GRTP1: variants seen among roughly 807,000 people sequenced by gnomAD.
GRTP1 encodes growth hormone regulated TBC protein 1, also known as growth hormone-regulated TBC protein 1.
A neutral mutation model predicts 38.1 loss-of-function variants in GRTP1; 56 were observed. The observed-to-expected ratio is 1.47, with a 90% CI of 1.19 to 1.84. GRTP1 has a LOEUF of 1.84. Ranked by LOEUF, GRTP1 falls within the 40% of genes most tolerant of loss-of-function variation. The probability of loss-of-function intolerance (pLI) is 0.00; values close to 1 mark genes in which losing one functional copy is unlikely to be tolerated. For missense variants in GRTP1, 506 were observed against 453.9 expected, an observed-to-expected ratio of 1.11 and a Z score of -1.04; for synonymous variants, 217 against 189.5, an observed-to-expected ratio of 1.14 and a Z score of -1.19.
At position 113,325,844 on chromosome 13, in the gene GRTP1, T is replaced by C. The variant is rs2139386692; in HGVS notation, c.738A>G (p.Thr246=). Residue 246 remains threonine, a splice_region_variant and synonymous_variant, in exon 7 of 8, where the codon ACA becomes ACG. Transcript: ENST00000375431. ...CLFVDILPVE[T]VLRIWDCLFN... The stretch of plus-strand genomic sequence containing the variant: ...ACAAACAGTCCCAGATCCGAAGCAC[T>C]GTCTGCAGAGACATGGGAACCCGGT... 1 of 1,613,926 alleles carries C rather than the reference T, an allele frequency of 6.2e-7. No homozygotes were observed. The highest frequency in any genetic ancestry group is 1.1e-5 in the South Asian group (1 of 91,076).
intron 5 of GRTP1, among the ~76,000 whole-genome samples, chr13:113,327,438 A>G (rs2042791017): frequency 1.3e-5 from 2 of 151,978 alleles, no homozygotes; most frequent in Non-Finnish European, 1.5e-5. Context: ...TCGGCCTCCA[A>G]AAGTGCTGGG....
rs547010246 is a variant in GRTP1 at position 113,342,127 on chromosome 13, G to A, written c.562+2736C>T. ...CTGTCTAATTTTTGTATTTTTAGTGGAGGTGGGGTTTTGCCATGTTGGCCA... is the reference window on the plus strand; with the variant it reads ...CTGTCTAATTTTTGTATTTTTAGTGAAGGTGGGGTTTTGCCATGTTGGCCA... On this transcript the variant is annotated intron_variant, in intron 5 of 7. Transcript: ENST00000375431. This position sits in a 1 kb window ranked among gnomAD's most constrained non-coding sequence, Gnocchi z 4.5. Among the ~76,000 whole-genome samples, 3 of 152,104 alleles carry A rather than the reference G, an allele frequency of 2.0e-5. No individual in the cohort carries two copies. Among genetic ancestry groups the A allele is most frequent in the African/African-American group, 4.8e-5 (2 of 41,510 alleles).
At chr13:113,327,410 C>A (rs1320043122) in intron 5 of GRTP1, among the ~76,000 whole-genome samples, 1 of 152,188 alleles carries the variant, frequency 6.6e-6, no homozygotes, top group Non-Finnish European at 1.5e-5. Flanking sequence ...GAACTCCTGA[C>A]CTCATGATCT....
rs1555315313 is a variant in GRTP1 at position 113,336,307 on chromosome 13, T to TG, written c.562+8555_562+8556insC. On this transcript the variant is annotated intron_variant, in intron 5 of 7. Transcript: ENST00000375431. Reference sequence around the variant, plus strand: ...CAGTGGGAATAAGGTAGTTTTTTTTTTTTTTTTTAAGGCAAAATAGGTACT... The same window carrying TG: ...CAGTGGGAATAAGGTAGTTTTTTTTTGTTTTTTTTAAGGCAAAATAGGTACT... 6.6e-4 allele frequency among the ~76,000 whole-genome samples: 94 copies of TG among 142,932 alleles called. 1 individual carries two copies. The highest frequency in any genetic ancestry group is 8.5e-4 in the Admixed American group (12 of 14,194). The allele number at this position is 142,932 out of a possible 152,430, so 93.8% of individuals were successfully genotyped here.
Position 113,355,366 on chromosome 13 carries a change from G to C in GRTP1, c.297C>G (p.Leu99=). 1.2e-6 allele frequency: 2 copies of C among 1,614,104 alleles called. No individual in the cohort carries two copies. Among genetic ancestry groups the C allele is most frequent in the South Asian group, 1.1e-5 (1 of 91,080 alleles). ...DQNPGYYHQL[L]QGERNPRLED... ...CCAGCCTGGGGTTTCTCTCTCCCTG[G>C]AGAAGCTGGTGGTAGTAGCCGGGAT... is the stretch of plus-strand genomic sequence containing the variant. The change falls in exon 3 of 8, where the codon CTC becomes CTG. Residue 99 remains leucine, a synonymous_variant. Transcript: ENST00000375431.
At chr13:113,350,369 G>A (rs1023491683) in intron 4 of GRTP1, among the ~76,000 whole-genome samples, 1 of 152,058 alleles carries the variant, frequency 6.6e-6, no homozygotes, top group African/African-American at 2.4e-5. Context: ...CAGACACTCT[G>A]GGAGTGGCCT....
chr13:113,355,266 A>C, intron 3 of GRTP1, 57 bp downstream of exon 3: 35 of 1,582,124 alleles, frequency 2.2e-5, no homozygotes, highest in Middle Eastern at 1.9e-4. Context: ...ACTGGGTGGA[A>C]ACCGGTTCCT....
intron 5 of GRTP1, among the ~76,000 whole-genome samples, chr13:113,338,116 G>A (rs2042979001): frequency 6.6e-6 from 1 of 152,162 alleles, no homozygotes; most frequent in Admixed American, 6.5e-5. Flanking sequence ...CCTCAGTCAC[G>A]CGGCAGGGCC....
intron 5 of GRTP1, among the ~76,000 whole-genome samples, chr13:113,330,363 G>C (rs9549382): frequency 3.0e-4 from 29 of 95,544 alleles, no homozygotes; most frequent in East Asian, 7.2e-4. Flanking sequence ...CAGGTGTGTG[G>C]AAGGAAACCC....
At chr13:113,344,077 T>C (rs955129759) in intron 5 of GRTP1, among the ~76,000 whole-genome samples, 1 of 152,228 alleles carries the variant, frequency 6.6e-6, no homozygotes, top group African/African-American at 2.4e-5. Flanking sequence ...GTTTTCACCT[T>C]AAAAAGTAAG....
chr13:113,363,729 C>T, intron 2 of GRTP1, 33 bp downstream of exon 2: 2 of 1,590,504 alleles, frequency 1.3e-6, no homozygotes, highest in Admixed American at 3.4e-5. Context: ...CCCACCTGCG[C>T]CCTCGGGACC....
In GRTP1 at chr13:113,343,168, A is replaced by C. The variant is rs1201222234; in HGVS notation, c.562+1695T>G. On this transcript the variant is annotated intron_variant, in intron 5 of 7. Transcript: ENST00000375431. The surrounding 1 kb of genome is among the most constrained non-coding windows in gnomAD (Gnocchi z 4.8). ...CATGATTTGCACTCAGACATAACCG[A>C]AGCAGGCTGTGAGCCCGTTTCCATG... Among the ~76,000 whole-genome samples, 2 of 152,200 alleles carry C rather than the reference A, an allele frequency of 1.3e-5. No individual in the cohort carries two copies. The highest frequency in any genetic ancestry group is 3.8e-4 in the East Asian group (2 of 5,204).
intron 5 of GRTP1, among the ~76,000 whole-genome samples, chr13:113,326,626 A>G (rs1039334845): frequency 2.6e-5 from 4 of 151,384 alleles, no homozygotes; most frequent in South Asian, 2.1e-4. Context: ...GGCCGAGATC[A>G]CACCACTGCA....
In GRTP1 at chr13:113,324,319, G is replaced by A. The variant is rs945915535; in HGVS notation, c.*169C>T. On this transcript the variant is annotated 3_prime_UTR_variant, in exon 8 of 8. Transcript: ENST00000375431. ...ACTTCATAGCTAATCATCAAAAGCT[G>A]GTAGAATGACCTGATTTTAAACTGC... The A allele has an allele frequency of 2.0e-6, 2 of 1,006,150 alleles. No individual in the cohort carries two copies. The highest frequency in any genetic ancestry group is 5.6e-5 in the South Asian group (2 of 35,866). The allele number at this position is 1,006,150 out of a possible 1,614,324, so 62.3% of individuals were successfully genotyped here.
intron 3 of GRTP1, among the ~76,000 whole-genome samples, chr13:113,353,753 A>G (rs2043329045): frequency 6.6e-6 from 1 of 152,202 alleles, no homozygotes. Context: ...TAAATTTTAT[A>G]TTAGGCATAT....
At chr13:113,324,757 A>G (rs955335728) in intron 7 of GRTP1, 180 bp from the exon 8 acceptor site, 4 of 1,369,052 alleles carry the variant, frequency 2.9e-6, no homozygotes, top group Non-Finnish European at 3.8e-6. Flanking sequence ...GGGGCCTAGG[A>G]CTGCAGCTTT....
chr13:113,326,377 T>TGGGGGGGGGGG (rs1298880217), intron 5 of GRTP1, among the ~76,000 whole-genome samples: 1 of 2,242 alleles, frequency 4.5e-4, no homozygotes, highest in African/African-American at 8.9e-4. Flanking sequence ...GGTGGCGCGG[T>TGGGGGGGGGGG]GGGGGGGGGG....
rs1566440902 is a variant in GRTP1 at position 113,355,494 on chromosome 13, A to G, written c.182-13T>C. The stretch of plus-strand genomic sequence containing the variant: ...ACATAGCGCTTCACTGAAGGCCGAG[A>G]GGACGGACAGCGTGTGAGCTGGACC... On this transcript the variant is annotated splice_polypyrimidine_tract_variant and intron_variant, in intron 2 of 7. Coordinates refer to ENST00000375431, the MANE Select transcript of GRTP1 (RefSeq NM_024719.4). 1.2e-6 allele frequency: 2 copies of G among 1,601,406 alleles called. No individual in the cohort carries two copies. The highest frequency in any genetic ancestry group is 1.3e-5 in the African/African-American group (1 of 74,820).
intron 5 of GRTP1, among the ~76,000 whole-genome samples, chr13:113,328,931 G>A (rs753824795): frequency 4.0e-5 from 6 of 149,486 alleles, no homozygotes; most frequent in Admixed American, 2.0e-4. Context: ...GAAGCCTGAT[G>A]CATCTCAAAC....
Sources: allele counts gnomAD v4.1 joint callset (sites outside exome capture counted in the v4.1 genomes callset), GRCh38; gene constraint gnomAD v4.1.1; non-coding constraint Gnocchi (gnomAD v3.1); transcripts MANE v1.5; gene names NCBI Gene and HGNC (gene_info 2026-07-23, HGNC 2026-07-21).